CPS1: variants seen among roughly 807,000 people sequenced by gnomAD.
The protein encoded by CPS1 is carbamoyl-phosphate synthase 1.
Under a neutral mutation model 174.6 loss-of-function variants are expected in CPS1, and 109 were observed. The observed-to-expected ratio is 0.62, with a 90% CI of 0.53 to 0.73. The LOEUF is 0.73. CPS1 is among the 30% of genes least tolerant of loss of function. The pLI, the probability that CPS1 is intolerant of heterozygous loss-of-function variation, is 0.00. For missense variants in CPS1, 1,689 were observed against 1,821.9 expected, an observed-to-expected ratio of 0.93 and a Z score of 1.33; for synonymous variants, 637 against 632.0, an observed-to-expected ratio of 1.01 and a Z score of -0.12.
chr2:210,660,129 A>G (rs542978408), intron 31 of CPS1, among the ~76,000 whole-genome samples: 7 of 152,256 alleles, frequency 4.6e-5, no homozygotes, highest in African/African-American at 7.2e-5. Context: ...GAGGTCTCCA[A>G]TGAAGCAAGA....
chr2:210,637,754 G>A lies in CPS1; in HGVS notation c.2740G>A (p.Asp914Asn). 1 of 1,614,056 alleles carries A rather than the reference G, an allele frequency of 6.2e-7. No individual in the cohort carries two copies. Among genetic ancestry groups the A allele is most frequent in the Non-Finnish European group, 8.5e-7 (1 of 1,179,934 alleles). The change falls in exon 22 of 38, where the codon GAT becomes AAT. Residue 914 changes from aspartate (D) to asparagine (N), a missense_variant. Transcript: ENST00000233072. Reference protein sequence around the residue: ...LKRAKEIGFSDKQISKCLGLT... With the variant: ...LKRAKEIGFSNKQISKCLGLT... ...AAGGGCAAAGGAGATTGGGTTCTCA[G>A]ATAAGCAGATTTCAAAATGCCTTGG...
At chr2:210,514,225 C>A (rs1695610867) in intron 1 of CPS1, among the ~76,000 whole-genome samples, 1 of 151,844 alleles carries the variant, frequency 6.6e-6, no homozygotes, top group Non-Finnish European at 1.5e-5. Context: ...TAAAAAATGA[C>A]ATTGGTTGTT....
intron 21 of CPS1, among the ~76,000 whole-genome samples, chr2:210,636,780 T>C (rs1477960149): frequency 6.6e-6 from 1 of 152,126 alleles, no homozygotes; most frequent in Non-Finnish European, 1.5e-5. Context: ...TTTGAAGGGC[T>C]GCTGAGGGTC....
chr2:210,676,158 C>T (rs183363873), intron 36 of CPS1, among the ~76,000 whole-genome samples: 37 of 152,240 alleles, frequency 2.4e-4, no homozygotes, highest in African/African-American at 7.2e-4. Context: ...ATAAGTACAT[C>T]GAGTATAAGA....
chr2:210,601,735 T>C (rs571594015), intron 15 of CPS1, among the ~76,000 whole-genome samples: 2 of 152,092 alleles, frequency 1.3e-5, no homozygotes, highest in Admixed American at 1.3e-4. Flanking sequence ...ATGCTCAGAC[T>C]GAACTTGAAA....
At chr2:210,655,701 A>G (rs1308704977) in intron 29 of CPS1, among the ~76,000 whole-genome samples, 1 of 152,226 alleles carries the variant, frequency 6.6e-6, no homozygotes, top group Non-Finnish European at 1.5e-5. Context: ...AAGACTAAGT[A>G]AGTAAAGCAC....
At chr2:210,556,273 C>T, upstream of CPS1, 1 of 445,006 alleles carries the variant, frequency 2.2e-6, no homozygotes, top group Non-Finnish European at 4.5e-6. Flanking sequence ...TTTGGGAATC[C>T]AAAATCTCTT....
chr2:210,675,072 A>C (rs1397706580), intron 35 of CPS1, 111 bp downstream of exon 35: 4 of 871,136 alleles, frequency 4.6e-6, no homozygotes, highest in Non-Finnish European at 7.8e-6. Context: ...TTTTGATATG[A>C]AAGGTTTAAC....
intron 21 of CPS1, among the ~76,000 whole-genome samples, chr2:210,629,831 A>G (rs1487846109): frequency 6.7e-6 from 1 of 149,018 alleles, no homozygotes; most frequent in Non-Finnish European, 1.5e-5. Context: ...CGGGCAGATC[A>G]TGAGGTCAGG....
exon 1 of CPS1, chr2:210,477,731 C>T (rs1315196586): frequency 6.2e-7 from 1 of 1,612,474 alleles, no homozygotes; most frequent in South Asian, 1.1e-5. Context: ...CTTTCTTAAC[C>T]TCATCAAATT....
At chr2:210,498,549 CT>C (rs1695063215) in intron 1 of CPS1, among the ~76,000 whole-genome samples, 1 of 152,042 alleles carries the variant, frequency 6.6e-6, no homozygotes, top group Non-Finnish European at 1.5e-5. Context: ...TTCCAGGAGC[CT>C]TTTGGTGGGT....
At chr2:210,549,277 G>A (rs1204465612) in intron 1 of CPS1, among the ~76,000 whole-genome samples, 4 of 152,012 alleles carry the variant, frequency 2.6e-5, no homozygotes, top group African/African-American at 9.7e-5. Flanking sequence ...GCCCATCAGA[G>A]TTGTTTGTTC....
At chr2:210,506,548 G>A (rs945462865) in intron 1 of CPS1, among the ~76,000 whole-genome samples, 1 of 152,146 alleles carries the variant, frequency 6.6e-6, no homozygotes, top group African/African-American at 2.4e-5. Flanking sequence ...CTGACGAGCT[G>A]AGAGAAGGCT....
rs999877397 is a variant in CPS1 at position 210,637,932 on chromosome 2, A to C, written c.2829+89A>C. ...CCCATTCAAAAGGCCATTGTTAATA[A>C]AAAGAGGAGTGGAATTAAGAAGTGA... is the stretch of plus-strand genomic sequence containing the variant. On this transcript the variant is annotated intron_variant, in intron 22 of 37. Coordinates refer to ENST00000233072, the MANE Select transcript of CPS1 (RefSeq NM_001875.5). The C allele has an allele frequency of 2.8e-6, 4 of 1,430,522 alleles. No individual in the cohort carries two copies. The African/African-American group carries it at 4.2e-5, about 15-fold the overall frequency. 88.6% of individuals were successfully genotyped at this position (1,430,522 alleles called of 1,614,324 possible). A position where few individuals can be genotyped will look rare whatever the true frequency, so the allele number is the denominator to read the frequency against.
intron 1 of CPS1, among the ~76,000 whole-genome samples, chr2:210,496,642 T>G (rs1194417275): frequency 6.6e-6 from 1 of 152,030 alleles, no homozygotes; most frequent in Non-Finnish European, 1.5e-5. Context: ...AATAGAGAAG[T>G]GACATAACCT....
In CPS1 at chr2:210,605,080, A is replaced by G. The variant is rs745496299; in HGVS notation, c.1837-22A>G. 3 of 1,611,192 alleles carry G rather than the reference A, an allele frequency of 1.9e-6. No homozygotes were observed. The Admixed American group carries it at 5.0e-5, about 27-fold the overall frequency. ...CCAGTGCTTTTTCTTACTCTTTGAT[A>G]TCTTTTGTCACCAATTTCTAGGCCT... On this transcript the variant is annotated intron_variant, in intron 16 of 37. Transcript: ENST00000233072.
At chr2:210,641,462 A>G (rs189676003) in intron 24 of CPS1, among the ~76,000 whole-genome samples, 7 of 151,902 alleles carry the variant, frequency 4.6e-5, no homozygotes, top group Non-Finnish European at 5.9e-5. Context: ...TTCATGAGGG[A>G]TCTGCACTTA....
chr2:210,570,435 T>G (rs1319688761), intron 1 of CPS1, among the ~76,000 whole-genome samples: 1 of 151,938 alleles, frequency 6.6e-6, no homozygotes, highest in Non-Finnish European at 1.5e-5. Context: ...TTTCTTATGC[T>G]AATTTTTACC....
chr2:210,609,908 T>C lies in CPS1; in HGVS notation c.2391+1349T>C, dbSNP rs756001717. Among the ~76,000 whole-genome samples the C allele has an allele frequency of 5.8e-4, 88 of 151,950 alleles. 1 individual carries two copies. The highest frequency in any genetic ancestry group is 2.4e-3 in the Admixed American group (36 of 15,242). On this transcript the variant is annotated intron_variant, in intron 19 of 37. Coordinates refer to ENST00000233072, the MANE Select transcript of CPS1 (RefSeq NM_001875.5). ...TTTACTGGTCTATCATATTCACACA[T>C]GAAAGGCAGAATTATTTCTATTTTG...
Sources: gnomAD v4.1 joint callset for allele counts (sites outside exome capture counted in the v4.1 genomes callset) on GRCh38, gnomAD v4.1.1 for gene constraint, MANE v1.5 for transcripts, NCBI Gene and HGNC (gene_info 2026-07-23, HGNC 2026-07-21) for gene names.